The following ADK variants were observed in gnomAD, a reference collection of about 807,000 sequenced individuals.
ADK encodes N6,N6-dimethyladenosine kinase.
ADK carries 24 observed loss-of-function variants against 44.7 expected under a neutral mutation model. That is an observed-to-expected ratio of 0.54 (90% CI 0.39 to 0.76). The LOEUF is 0.76. ADK is among the 30% of genes least tolerant of loss of function. ADK has a pLI of 0.00. For missense variants in ADK, 321 were observed against 425.1 expected (o/e 0.76, Z 2.15); for synonymous variants, 128 against 142.6 (o/e 0.90, Z 0.73).
intron 6 of ADK, among the ~76,000 whole-genome samples, chr10:74,472,551 A>G (rs1846638772): frequency 6.6e-6 from 1 of 152,174 alleles, no homozygotes; most frequent in Non-Finnish European, 1.5e-5. Flanking sequence ...TACAAGGTTC[A>G]GTGCTTCCTT....
At chr10:74,495,410 A>G (rs994571790) in intron 6 of ADK, among the ~76,000 whole-genome samples, 20 of 152,284 alleles carry the variant, frequency 1.3e-4, no homozygotes, top group Admixed American at 5.9e-4. Context: ...AATGTACAAA[A>G]TGAGACCTTT....
chr10:74,454,356 A>G (rs549011193), intron 6 of ADK, among the ~76,000 whole-genome samples: 46 of 152,272 alleles, frequency 3.0e-4, no homozygotes, highest in African/African-American at 9.6e-4. Context: ...TGTGTTACTC[A>G]TTTATGCAAA....
chr10:74,230,393 A>G (rs1844713999), intron 3 of ADK, among the ~76,000 whole-genome samples: 1 of 152,128 alleles, frequency 6.6e-6, no homozygotes, highest in Non-Finnish European at 1.5e-5. Context: ...ACTTAAGGAC[A>G]GTACTAGACC....
chr10:74,476,353 C>T (rs1446996619), intron 6 of ADK, among the ~76,000 whole-genome samples: 2 of 151,772 alleles, frequency 1.3e-5, no homozygotes, highest in African/African-American at 2.4e-5. Flanking sequence ...ATTAGCCGGG[C>T]GTAGTGACAC....
intron 7 of ADK, among the ~76,000 whole-genome samples, chr10:74,538,685 A>G (rs1849534140): frequency 6.6e-6 from 1 of 152,164 alleles, no homozygotes; most frequent in African/African-American, 2.4e-5. Context: ...GTAAACTATC[A>G]TTATCTTTTT....
chr10:74,356,888 A>G (rs896353847), intron 4 of ADK, among the ~76,000 whole-genome samples: 1 of 152,136 alleles, frequency 6.6e-6, no homozygotes, highest in Non-Finnish European at 1.5e-5. Flanking sequence ...AACTACTGAC[A>G]TGTCCCTCCC....
intron 4 of ADK, among the ~76,000 whole-genome samples, chr10:74,339,623 G>C (rs1841520644): frequency 6.6e-6 from 1 of 152,094 alleles, no homozygotes; most frequent in Non-Finnish European, 1.5e-5. Flanking sequence ...TTTTACAGAT[G>C]CAAAAAGTGA....
At position 74,424,997 on chromosome 10, in the gene ADK, G is replaced by A. The variant is rs112468700; in HGVS notation, c.555+26418G>A. On this transcript the variant is annotated intron_variant, in intron 6 of 10. Transcript: ENST00000539909. Reference sequence around the variant, plus strand: ...TTAAAGCTTATGCAGTTCTGATTTTGCTGTCTGTTGTTTCTGCTGGCTGTT... The same window carrying A: ...TTAAAGCTTATGCAGTTCTGATTTTACTGTCTGTTGTTTCTGCTGGCTGTT... Among the ~76,000 whole-genome samples, 765 of 152,136 alleles carry A rather than the reference G, an allele frequency of 5.0e-3. 11 individuals are homozygous for A. The highest frequency in any genetic ancestry group is 0.017 in the African/African-American group (714 of 41,514).
intron 6 of ADK, among the ~76,000 whole-genome samples, chr10:74,516,309 A>C (rs1848572184): frequency 6.6e-6 from 1 of 151,926 alleles, no homozygotes; most frequent in Non-Finnish European, 1.5e-5. Context: ...CACGAGTTTG[A>C]GTGCCTCTAT....
chr10:74,435,389 T>C (rs186943534), intron 6 of ADK, among the ~76,000 whole-genome samples: 16 of 152,260 alleles, frequency 1.1e-4, no homozygotes, highest in African/African-American at 3.1e-4. Context: ...TTTAAGAAAA[T>C]TGAGACACAA....
intron 6 of ADK, among the ~76,000 whole-genome samples, chr10:74,432,199 TA>T (rs1455891348): frequency 6.6e-6 from 1 of 152,148 alleles, no homozygotes; most frequent in East Asian, 1.9e-4. Flanking sequence ...TTATTTAAAA[TA>T]AAAGTAGCAC....
At chr10:74,314,071 G>A (rs1238951719) in intron 3 of ADK, among the ~76,000 whole-genome samples, 1 of 151,888 alleles carries the variant, frequency 6.6e-6, no homozygotes, top group Non-Finnish European at 1.5e-5. Context: ...TGCTTTACAG[G>A]CAGTACTGTT....
At chr10:74,198,086 C>T (rs186326431) in intron 1 of ADK, among the ~76,000 whole-genome samples, 11 of 152,180 alleles carry the variant, frequency 7.2e-5, no homozygotes, top group Admixed American at 7.2e-4. Context: ...AACCAAGTAG[C>T]CCAATAACAC....
At chr10:74,198,758 A>T (rs1468036316) in intron 1 of ADK, among the ~76,000 whole-genome samples, 4 of 152,142 alleles carry the variant, frequency 2.6e-5, no homozygotes. Flanking sequence ...TTTTATTTGG[A>T]TTGGAACCAT....
rs116548911 is a variant in ADK, at chr10:74,617,492, A to G, written c.877+16999A>G. Among the ~76,000 whole-genome samples, 1,203 of 152,328 alleles carry G rather than the reference A, an allele frequency of 7.9e-3. 15 individuals carry two copies. Among genetic ancestry groups the G allele is most frequent in the African/African-American group, 0.027 (1,128 of 41,562 alleles). ...CCTTTTTTCTTTTAATGTGTGAATT[A>G]CAGATTGATTATGGAAAGATATTTC... On this transcript the variant is annotated intron_variant, in intron 9 of 10. Transcript: ENST00000539909.
At chr10:74,190,609 G>A (rs1293993009) in intron 1 of ADK, among the ~76,000 whole-genome samples, 3 of 152,168 alleles carry the variant, frequency 2.0e-5, no homozygotes, top group Non-Finnish European at 4.4e-5. Flanking sequence ...TACCTTGGGG[G>A]AAAAGCCTGT....
At chr10:74,349,075 T>C (rs941071587) in intron 4 of ADK, among the ~76,000 whole-genome samples, 10 of 151,542 alleles carry the variant, frequency 6.6e-5, no homozygotes, top group Non-Finnish European at 8.8e-5. Flanking sequence ...ACTGCAAAGA[T>C]ACTCCTTGAG....
At chr10:74,378,672 A>G (rs1337572536) in intron 4 of ADK, among the ~76,000 whole-genome samples, 2 of 152,232 alleles carry the variant, frequency 1.3e-5, no homozygotes, top group African/African-American at 4.8e-5. Flanking sequence ...ACAATGTTAA[A>G]TAGTTTTATT....
chr10:74,209,850 C>G (rs752960253), intron 2 of ADK, among the ~76,000 whole-genome samples: 10 of 152,062 alleles, frequency 6.6e-5, no homozygotes, highest in Non-Finnish European at 8.8e-5. Flanking sequence ...CATATGAATA[C>G]CTCCAGTTGA....
Sources: allele counts gnomAD v4.1 joint callset (sites outside exome capture counted in the v4.1 genomes callset), GRCh38; gene constraint gnomAD v4.1.1; transcripts MANE v1.5; gene names NCBI Gene and HGNC (gene_info 2026-07-23, HGNC 2026-07-21).